The following MEPE variants were observed in gnomAD, a reference collection of about 807,000 sequenced individuals.
MEPE encodes matrix, extracellular phosphoglycoprotein with ASARM motif (bone).
MEPE carries 7 observed loss-of-function variants against 7.3 expected under a neutral mutation model. The ratio of observed to expected loss-of-function variants is 0.95; its 90% CI spans 0.54 to 1.79. The LOEUF (loss-of-function observed/expected upper bound fraction) is 1.79, where lower values mean the gene tolerates loss of function less well. Ranked by LOEUF, MEPE falls within the 40% of genes most tolerant of loss-of-function variation. The pLI is 0.00. For synonymous variants in MEPE, 214 were observed against 213.1 expected, an observed-to-expected ratio of 1.00 and a Z score of -0.04; for missense variants, 623 against 628.2, an observed-to-expected ratio of 0.99 and a Z score of 0.09.
intron 1 of MEPE, among the ~76,000 whole-genome samples, chr4:87,822,693 G>A (rs1406754046): frequency 1.3e-5 from 2 of 152,070 alleles, no homozygotes; most frequent in Non-Finnish European, 2.9e-5. Flanking sequence ...TAGCCAAATA[G>A]GTATACTCAC....
intron 3 of MEPE, chr4:87,839,901 C>A: frequency 6.5e-7 from 1 of 1,539,144 alleles, no homozygotes; most frequent in Non-Finnish European, 8.7e-7. Context: ...ATGGCTGGCA[C>A]TTTTGTCCCT....
chr4:87,824,496 A>T (rs1337524327), intron 1 of MEPE, among the ~76,000 whole-genome samples: 2 of 152,228 alleles, frequency 1.3e-5, no homozygotes, highest in Non-Finnish European at 2.9e-5. Context: ...CAACTCTGAC[A>T]CTGTAGTGAA....
intron 3 of MEPE, among the ~76,000 whole-genome samples, chr4:87,842,143 T>A (rs1017477840): frequency 1.1e-4 from 16 of 152,190 alleles, no homozygotes; most frequent in African/African-American, 3.4e-4. Flanking sequence ...AATGCATGTG[T>A]TCTTTCCATA....
chr4:87,842,489 C>A (rs2110009015), intron 3 of MEPE, among the ~76,000 whole-genome samples: 1 of 152,230 alleles, frequency 6.6e-6, no homozygotes, highest in East Asian at 1.9e-4. Flanking sequence ...GTGGTCAAGG[C>A]AAGGAAGTGG....
intron 3 of MEPE, among the ~76,000 whole-genome samples, chr4:87,840,536 A>G (rs1259945671): frequency 6.6e-6 from 1 of 152,216 alleles, no homozygotes; most frequent in Non-Finnish European, 1.5e-5. Flanking sequence ...TGCCAAATAT[A>G]TGTGGAGTTC....
chr4:87,843,959 G>A (rs367615302), intron 3 of MEPE, among the ~76,000 whole-genome samples: 51 of 152,308 alleles, frequency 3.3e-4, no homozygotes, highest in African/African-American at 1.2e-3. Flanking sequence ...ATTCTAAAAT[G>A]AAGTTGTCGG....
chr4:87,845,846 G>C lies in MEPE; in HGVS notation c.978G>C (p.Glu326Asp). 6.2e-7 allele frequency: 1 copy of C among 1,614,006 alleles called. No individual in the cohort carries two copies. Residue 326 changes from glutamate to aspartate, a missense_variant, in exon 4 of 4, where the codon GAG becomes GAC. Transcript: ENST00000361056. The stretch of plus-strand genomic sequence containing the variant: ...GAACTAGGGATGAAACTGCGAAAGA[G>C]GCAGATGCTGTTGATGTCAGCCTTG... ...TIGTRDETAK[E>D]ADAVDVSLVE... is the part of the protein sequence containing the mutation.
upstream of MEPE, among the ~76,000 whole-genome samples, chr4:87,828,352 GAA>G (rs907739411): frequency 7.9e-5 from 12 of 152,280 alleles, no homozygotes; most frequent in African/African-American, 2.6e-4. Context: ...ATGTAAAACA[GAA>G]ACTTATTTTA....
At chr4:87,838,247 T>A (rs2110002476) in intron 2 of MEPE, among the ~76,000 whole-genome samples, 1 of 152,316 alleles carries the variant, frequency 6.6e-6, no homozygotes, top group East Asian at 1.9e-4. Flanking sequence ...TGATTTTAGT[T>A]CACTTATATT....
chr4:87,841,459 A>T (rs1396368418), intron 3 of MEPE, among the ~76,000 whole-genome samples: 1 of 152,336 alleles, frequency 6.6e-6, no homozygotes, highest in Admixed American at 6.5e-5. Flanking sequence ...AATGAACAAT[A>T]ATGCCATAAC....
chr4:87,845,616 A>G lies in MEPE; in HGVS notation c.748A>G (p.Asn250Asp). ...TACAGATCTTCAAGAGAGAGGGGAC[A>G]ATGATATATCTCCTTTCAGTGGGGA... is the stretch of plus-strand genomic sequence containing the variant. ...GYTDLQERGD[N>D]DISPFSGDGQ... The change falls in exon 4 of 4, where the codon AAT becomes GAT. Residue 250 changes from asparagine (N) to aspartate (D), a missense_variant. Coordinates refer to ENST00000361056, the MANE Select transcript of MEPE (RefSeq NM_020203.6). The G allele has an allele frequency of 6.2e-7, 1 of 1,613,828 alleles. No homozygotes were observed. Among genetic ancestry groups the G allele is most frequent in the Non-Finnish European group, 8.5e-7 (1 of 1,179,928 alleles).
chr4:87,842,828 A>G (rs1158899591), intron 3 of MEPE, among the ~76,000 whole-genome samples: 6 of 152,190 alleles, frequency 3.9e-5, no homozygotes, highest in African/African-American at 1.4e-4. Context: ...TCTGAAAAGT[A>G]ATAAACAATT....
intron 3 of MEPE, among the ~76,000 whole-genome samples, chr4:87,842,180 C>T (rs1723040067): frequency 1.3e-5 from 2 of 152,156 alleles, no homozygotes; most frequent in African/African-American, 2.4e-5. Context: ...GAGTACTGGA[C>T]TGAGGGATTA....
chr4:87,840,796 T>C (rs1008268511), intron 3 of MEPE, among the ~76,000 whole-genome samples: 13 of 151,964 alleles, frequency 8.6e-5, no homozygotes, highest in African/African-American at 3.1e-4. Context: ...TGTGGGGCCA[T>C]GGAGGATGAG....
upstream of MEPE, among the ~76,000 whole-genome samples, chr4:87,829,758 G>T (rs548543633): frequency 6.6e-6 from 1 of 151,894 alleles, no homozygotes; most frequent in East Asian, 1.9e-4. Context: ...CATTTAGAAA[G>T]CTCTATATTT....
At chr4:87,842,523 G>A (rs1159820211) in intron 3 of MEPE, among the ~76,000 whole-genome samples, 3 of 152,154 alleles carry the variant, frequency 2.0e-5, no homozygotes, top group Non-Finnish European at 4.4e-5. Context: ...GCTTGGGGTC[G>A]ATCAGGCCAC....
chr4:87,842,212 C>G (rs1723041048), intron 3 of MEPE, among the ~76,000 whole-genome samples: 1 of 152,174 alleles, frequency 6.6e-6, no homozygotes, highest in Admixed American at 6.5e-5. Flanking sequence ...TTGGCAATTC[C>G]TGCCTACTGT....
upstream of MEPE, among the ~76,000 whole-genome samples, chr4:87,831,172 A>G (rs1293612118): frequency 6.6e-6 from 1 of 152,126 alleles, no homozygotes; most frequent in Admixed American, 6.6e-5. Context: ...TATTACAATT[A>G]TTTTGGTAGC....
At chr4:87,835,878 TG>T (rs1269974372) in intron 2 of MEPE, among the ~76,000 whole-genome samples, 1 of 151,838 alleles carries the variant, frequency 6.6e-6, no homozygotes, top group Non-Finnish European at 1.5e-5. Context: ...GCAGCTGGAG[TG>T]GGGCTTTCTC....
Sources: gnomAD v4.1 joint callset for allele counts (sites outside exome capture counted in the v4.1 genomes callset) on GRCh38, gnomAD v4.1.1 for gene constraint, MANE v1.5 for transcripts, NCBI Gene and HGNC (gene_info 2026-07-23, HGNC 2026-07-21) for gene names.